SCHIP1: variants seen among roughly 807,000 people sequenced by gnomAD.
The protein encoded by SCHIP1 is schwannomin interacting protein 1, also known as schwannomin-interacting protein 1.
A neutral mutation model predicts 29.7 loss-of-function variants in SCHIP1; 8 were observed. That is an observed-to-expected ratio of 0.27 (90% CI 0.16 to 0.49). SCHIP1 has a LOEUF of 0.49. Among genes scored for constraint, SCHIP1 ranks in the 20% least tolerant of loss-of-function variants. The pLI, the probability that SCHIP1 is intolerant of heterozygous loss-of-function variation, is 0.99. For synonymous variants in SCHIP1, 76 were observed against 94.9 expected (o/e 0.80, Z 1.16); for missense variants, 193 against 294.6 (o/e 0.66, Z 2.52).
the SCHIP1 span, among the ~76,000 whole-genome samples, chr3:159,345,020 G>A: frequency 1.3e-5 from 2 of 152,022 alleles, no homozygotes; most frequent in Non-Finnish European, 2.9e-5. Flanking sequence ...AGGCTGAGGC[G>A]CATTCAAGAC....
the SCHIP1 span, among the ~76,000 whole-genome samples, chr3:159,464,129 A>G: frequency 6.6e-6 from 1 of 152,204 alleles, no homozygotes; most frequent in Non-Finnish European, 1.5e-5. Flanking sequence ...CTTTTCCTGT[A>G]TCAGAATTTC....
chr3:159,538,875 CTTTCT>C, the SCHIP1 span, among the ~76,000 whole-genome samples: 1 of 152,052 alleles, frequency 6.6e-6, no homozygotes, highest in Non-Finnish European at 1.5e-5. Flanking sequence ...TTATATTTGT[CTTTCT>C]TTTAAAATAA....
At chr3:159,473,315 G>GA in the SCHIP1 span, among the ~76,000 whole-genome samples, 2 of 151,428 alleles carry the variant, frequency 1.3e-5, no homozygotes, top group Non-Finnish European at 2.9e-5. Context: ...ATCACTATGG[G>GA]AAAAAAAAGC....
At chr3:159,504,198 T>C in the SCHIP1 span, among the ~76,000 whole-genome samples, 2 of 152,192 alleles carry the variant, frequency 1.3e-5, no homozygotes, top group Non-Finnish European at 2.9e-5. Context: ...AAATTATCAC[T>C]TCTCTTCTTT....
chr3:159,679,660 AT>A, the SCHIP1 span, among the ~76,000 whole-genome samples: 1 of 151,924 alleles, frequency 6.6e-6, no homozygotes, highest in South Asian at 2.1e-4. Context: ...AGGGAGGGGG[AT>A]TTTTTAACTG....
chr3:159,374,353 T>C, the SCHIP1 span, among the ~76,000 whole-genome samples: 1 of 152,088 alleles, frequency 6.6e-6, no homozygotes, highest in Non-Finnish European at 1.5e-5. Flanking sequence ...GGCAAAGTAC[T>C]GATTTAACAG....
At chr3:159,860,602 G>A (rs1713943393) in intron 1 of SCHIP1, among the ~76,000 whole-genome samples, 1 of 152,194 alleles carries the variant, frequency 6.6e-6, no homozygotes, top group African/African-American at 2.4e-5. Context: ...ATTTTTAAAA[G>A]TCTATTTCAG....
the SCHIP1 span, among the ~76,000 whole-genome samples, chr3:159,491,542 C>A: frequency 6.6e-6 from 1 of 152,200 alleles, no homozygotes; most frequent in African/African-American, 2.4e-5. Flanking sequence ...TGCAAGGTGA[C>A]AGCGAGGCTG....
At chr3:159,427,405 AACAG>A in the SCHIP1 span, among the ~76,000 whole-genome samples, 2 of 151,322 alleles carry the variant, frequency 1.3e-5, no homozygotes, top group East Asian at 1.9e-4. Context: ...ATACACCAAT[AACAG>A]ACAGAGAGCC....
the SCHIP1 span, among the ~76,000 whole-genome samples, chr3:159,454,875 T>C: frequency 6.6e-6 from 1 of 152,234 alleles, no homozygotes; most frequent in Non-Finnish European, 1.5e-5. Context: ...AATTGATTTG[T>C]ATATCGTGTA....
At chr3:159,827,811 C>CAAAA in the SCHIP1 span, among the ~76,000 whole-genome samples, 1 of 75,476 alleles carries the variant, frequency 1.3e-5, no homozygotes, top group African/African-American at 3.8e-5. Flanking sequence ...GACTCCGTCT[C>CAAAA]AAAAAAAAAA....
At chr3:159,510,902 C>T in the SCHIP1 span, among the ~76,000 whole-genome samples, 3,723 of 152,316 alleles carry the variant, frequency 0.024, 160 homozygotes, top group African/African-American at 0.085. Context: ...CCCAGTTAGG[C>T]TACTCAGGGG....
chr3:159,315,448 T>C, the SCHIP1 span, among the ~76,000 whole-genome samples: 1 of 150,582 alleles, frequency 6.6e-6, no homozygotes, highest in Non-Finnish European at 1.5e-5. Flanking sequence ...CAGGATGGTC[T>C]CGATCTCCTG....
intron 1 of SCHIP1, among the ~76,000 whole-genome samples, chr3:159,858,269 ATGGTGCT>A (rs1713623969): frequency 1.3e-5 from 2 of 152,210 alleles, no homozygotes; most frequent in Admixed American, 1.3e-4. Context: ...TGTTTTGGAT[ATGGTGCT>A]CACAGGGGAG....
At chr3:159,628,365 A>G in the SCHIP1 span, among the ~76,000 whole-genome samples, 1 of 152,236 alleles carries the variant, frequency 6.6e-6, no homozygotes, top group Admixed American at 6.5e-5. Context: ...CATCTTCAAT[A>G]CTTCATGCAC....
At chr3:159,379,672 A>G in the SCHIP1 span, among the ~76,000 whole-genome samples, 2 of 152,070 alleles carry the variant, frequency 1.3e-5, no homozygotes, top group African/African-American at 4.8e-5. Context: ...CAGGCCTTTA[A>G]TGGGGATTAC....
the SCHIP1 span, among the ~76,000 whole-genome samples, chr3:159,295,278 A>AAC: frequency 7.9e-6 from 1 of 126,152 alleles, no homozygotes; most frequent in Non-Finnish European, 1.6e-5. Flanking sequence ...AAAAAAAAAC[A>AAC]ACTAGCCAGG....
chr3:159,755,309 C>G, the SCHIP1 span, among the ~76,000 whole-genome samples: 1 of 152,164 alleles, frequency 6.6e-6, no homozygotes, highest in Non-Finnish European at 1.5e-5. Flanking sequence ...GCAATCATGG[C>G]AGCAGGGAAG....
chr3:159,378,185 C>T, the SCHIP1 span, among the ~76,000 whole-genome samples: 3 of 152,278 alleles, frequency 2.0e-5, no homozygotes, highest in Non-Finnish European at 2.9e-5. Context: ...ATTTGTAGCA[C>T]GTGGTGGAGC....
Sources: gnomAD v4.1 joint callset for allele counts (sites outside exome capture counted in the v4.1 genomes callset) on GRCh38, gnomAD v4.1.1 for gene constraint, MANE v1.5 for transcripts, NCBI Gene and HGNC (gene_info 2026-07-23, HGNC 2026-07-21) for gene names.